Variants in PDE6A observed in about 807,000 individuals in gnomAD.
PDE6A encodes the protein rod cGMP-specific 3',5'-cyclic phosphodiesterase subunit alpha.
Under a neutral mutation model 106.3 loss-of-function variants are expected in PDE6A, and 84 were observed. That is an observed-to-expected ratio of 0.79 (90% CI 0.66 to 0.95). The LOEUF (loss-of-function observed/expected upper bound fraction) is 0.95. PDE6A is among the 40% of genes least tolerant of loss of function. The pLI is 0.00. For missense variants in PDE6A, 1,052 were observed against 1,084.9 expected, an observed-to-expected ratio of 0.97 and a Z score of 0.43; for synonymous variants, 394 against 386.6, an observed-to-expected ratio of 1.02 and a Z score of -0.23.
intron 3 of PDE6A, chr5:149,932,149 T>C (rs1374778822): frequency 3.3e-6 from 4 of 1,228,770 alleles, no homozygotes; most frequent in Admixed American, 3.4e-5. Flanking sequence ...ATCTGTCGTC[T>C]TAGTGAAGCT....
chr5:149,920,708 C>T (rs1753678626), intron 5 of PDE6A, among the ~76,000 whole-genome samples: 1 of 152,028 alleles, frequency 6.6e-6, no homozygotes, highest in African/African-American at 2.4e-5. Context: ...ATTAATCATC[C>T]ACCTTTTCAA....
At chr5:149,924,621 C>T (rs994020248) in intron 4 of PDE6A, among the ~76,000 whole-genome samples, 1 of 152,092 alleles carries the variant, frequency 6.6e-6, no homozygotes, top group Non-Finnish European at 1.5e-5. Context: ...CATGATGACT[C>T]GTTTGTTTCA....
chr5:149,917,821 C>T (rs1434761339), intron 5 of PDE6A, among the ~76,000 whole-genome samples: 2 of 152,200 alleles, frequency 1.3e-5, no homozygotes, highest in Non-Finnish European at 2.9e-5. Flanking sequence ...TTTGCTACAG[C>T]TGTTCAGTAG....
In PDE6A at chr5:149,944,449, CTCTG is replaced by C. The variant is rs777523100; in HGVS notation, c.221_224del (p.Thr74ArgfsTer8). 6.2e-7 allele frequency: 1 copy of C among 1,614,144 alleles called. No homozygotes were observed. Among genetic ancestry groups the C allele is most frequent in the Non-Finnish European group, 8.5e-7 (1 of 1,180,022 alleles). ...TCTTCATGACATTGAAGATGCATTT[CTCTG>C]TCTGTAAATTCTCCTGAAAGTCCCG... On this transcript the variant is annotated frameshift_variant, in exon 1 of 22. Transcript: ENST00000255266. LOFTEE classifies it high-confidence loss of function.
At position 149,892,315 on chromosome 5, in the gene PDE6A, C is replaced by A. The variant is rs112315997; in HGVS notation, c.1728+2868G>T. Among the ~76,000 whole-genome samples the A allele has an allele frequency of 8.4e-3, 1,227 of 146,024 alleles. 10 individuals carry two copies. Among genetic ancestry groups the A allele is most frequent in the Non-Finnish European group, 0.013 (836 of 66,172 alleles). On this transcript the variant is annotated intron_variant, in intron 13 of 21. Transcript: ENST00000255266. ...TGGGCAACAGAGTAGGAGCTCAAAT[C>A]AAAAAAAAAACTTAAAAAAATGTTT...
intron 14 of PDE6A, 119 bp from the exon 15 acceptor site, chr5:149,884,986 T>C: frequency 1.2e-6 from 1 of 814,866 alleles, no homozygotes; most frequent in Non-Finnish European, 2.1e-6. Context: ...TACTTTTGGG[T>C]CGTGAACTCA....
Position 149,886,297 on chromosome 5 carries a change from G to A in PDE6A, c.1806C>T (p.Asp602=), listed in dbSNP as rs1752299605. 1 of 1,614,036 alleles carries A rather than the reference G, an allele frequency of 6.2e-7. No individual in the cohort carries two copies. The highest frequency in any genetic ancestry group is 2.2e-5 in the East Asian group (1 of 44,876). Reference sequence around the variant, plus strand: ...GGTAGAGGTTATTGGTGCCTCTGTGGTCAATGTCATGGCAGAAAGCAGCAG... The same window carrying A: ...GGTAGAGGTTATTGGTGCCTCTGTGATCAATGTCATGGCAGAAAGCAGCAG... The part of the protein sequence containing the change: ...MVTAAFCHDI[D]HRGTNNLYQM... The change falls in exon 14 of 22, where the codon GAC becomes GAT. Residue 602 remains aspartate (D), a synonymous_variant. Transcript: ENST00000255266.
At chr5:149,923,765 T>G (rs1328209575) in intron 4 of PDE6A, among the ~76,000 whole-genome samples, 1 of 152,174 alleles carries the variant, frequency 6.6e-6, no homozygotes, top group African/African-American at 2.4e-5. Context: ...GGGTCAAGTC[T>G]GGGCCTGAGA....
chr5:149,897,758 G>T (rs899769815), intron 10 of PDE6A, among the ~76,000 whole-genome samples: 8 of 151,760 alleles, frequency 5.3e-5, no homozygotes, highest in Admixed American at 1.3e-4. Context: ...TTTTTGTGGG[G>T]TTTTTTTTGG....
chr5:149,931,933 G>C, intron 3 of PDE6A: 3 of 979,874 alleles, frequency 3.1e-6, no homozygotes, highest in Non-Finnish European at 4.8e-6. Context: ...ACAATGAAGA[G>C]ACAGAAACAA....
At chr5:149,891,280 G>C (rs975459618) in intron 13 of PDE6A, among the ~76,000 whole-genome samples, 13 of 152,124 alleles carry the variant, frequency 8.5e-5, no homozygotes, top group Non-Finnish European at 1.6e-4. Context: ...GACCAGCCTG[G>C]CCAACATGAT....
rs1235513365 is a variant in PDE6A, at chr5:149,886,361, T to C, written c.1742A>G (p.Lys581Arg). 1 of 1,613,862 alleles carries C rather than the reference T, an allele frequency of 6.2e-7. No individual in the cohort carries two copies. Among genetic ancestry groups the C allele is most frequent in the African/African-American group, 1.3e-5 (1 of 74,938 alleles). The change falls in exon 14 of 22, where the codon AAG becomes AGG. Residue 581 changes from lysine to arginine, a missense_variant. By Grantham distance (26) the Lys-to-Arg change is conservative. Transcript: ENST00000255266. ...GGCCTCTAGGTCCGTGAAGTAGCGC[T>C]TCAGCTTTCCCGTCTGGAAGGGCAA... ...MFSLLVTGKL[K>R]RYFTDLEALA...
In PDE6A at chr5:149,895,278, A is replaced by G; in HGVS notation, c.1633T>C (p.Phe545Leu). ...TAGCCCTTACTCAGGGAGTACATGA[A>G]CCGCACCAGGGCCTGTGAACACATG... is the stretch of plus-strand genomic sequence containing the variant. ...FHIPQEALVRFMYSLSKGYRK... is the reference protein window; with the variant it reads ...FHIPQEALVRLMYSLSKGYRK... The change falls in exon 13 of 22, where the codon TTC (phenylalanine) becomes CTC (leucine). Residue 545 changes from phenylalanine to leucine, a missense_variant. Physicochemically the swap from Phe to Leu is conservative, Grantham distance 22 (BLOSUM62 0). Around this residue, in one of 3 missense-constraint regions of PDE6A, gnomAD observed 913 missense variants for 915.2 expected, o/e 1.00. Coordinates refer to ENST00000255266, the MANE Select transcript of PDE6A (RefSeq NM_000440.3). 6.2e-7 allele frequency: 1 copy of G among 1,612,688 alleles called. No homozygotes were observed.
intron 5 of PDE6A, among the ~76,000 whole-genome samples, chr5:149,918,700 T>A (rs1753623172): frequency 6.6e-6 from 1 of 152,198 alleles, no homozygotes; most frequent in Non-Finnish European, 1.5e-5. Context: ...GAGCCTCAGT[T>A]TCCCAGGCTC....
rs527307325 is a variant in PDE6A at position 149,875,277 on chromosome 5, C to T, written c.2136-7119G>A. On this transcript the variant is annotated intron_variant, in intron 17 of 21. Transcript: ENST00000255266. ...GTGCATCCCTCAAGGCGCAGAACAG[C>T]TCCACAGCAGGGTTGCCAGCCCCAA... Among the ~76,000 whole-genome samples, 9 of 152,222 alleles carry T rather than the reference C, an allele frequency of 5.9e-5. 1 individual carries two copies. The South Asian group carries it at 1.7e-3, about 28-fold the overall frequency.
intron 13 of PDE6A, among the ~76,000 whole-genome samples, chr5:149,894,154 A>T (rs1055871382): frequency 1.3e-5 from 2 of 152,332 alleles, no homozygotes; most frequent in Admixed American, 1.3e-4. Context: ...GAGAAGATTC[A>T]TGGAAACACC....
At chr5:149,879,629 T>C (rs1760858698) in intron 17 of PDE6A, among the ~76,000 whole-genome samples, 1 of 130,882 alleles carries the variant, frequency 7.6e-6, no homozygotes, top group African/African-American at 2.9e-5. Context: ...CCTGTGTCCA[T>C]GTGATCTCAT....
At chr5:149,866,012 T>G (rs1760317888) in intron 20 of PDE6A, among the ~76,000 whole-genome samples, 158 bp downstream of exon 20, 1 of 152,172 alleles carries the variant, frequency 6.6e-6, no homozygotes, top group Admixed American at 6.5e-5. Context: ...ATGAGACCCA[T>G]AGAGCTGTCC....
intron 16 of PDE6A, among the ~76,000 whole-genome samples, chr5:149,884,077 G>C (rs543016644): frequency 1.3e-5 from 2 of 151,682 alleles, no homozygotes; most frequent in East Asian, 3.9e-4. Context: ...TGTAGTCCCA[G>C]CCACTCAGGA....
Sources: gnomAD v4.1 joint callset for allele counts (sites outside exome capture counted in the v4.1 genomes callset) on GRCh38, gnomAD v4.1.1 for gene constraint, gnomAD v4.1.1 regional missense constraint, MANE v1.5 for transcripts, NCBI Gene and HGNC (gene_info 2026-07-23, HGNC 2026-07-21) for gene names.